Variants in NRCAM observed in about 807,000 individuals in gnomAD.
NRCAM encodes the protein neuronal cell adhesion molecule, also known as NgCAM-related cell adhesion molecule.
In NRCAM, 83 loss-of-function variants were observed where a neutral mutation model predicts 156.5. The ratio of observed to expected loss-of-function variants is 0.53; its 90% CI spans 0.44 to 0.64. The LOEUF (loss-of-function observed/expected upper bound fraction) is 0.64, where lower values mean the gene tolerates loss of function less well. Among genes scored for constraint, NRCAM ranks in the 30% least tolerant of loss-of-function variants. The pLI is 0.00. For synonymous variants in NRCAM, 538 were observed against 563.9 expected, an observed-to-expected ratio of 0.95 and a Z score of 0.65; for missense variants, 1,417 against 1,597.3, an observed-to-expected ratio of 0.89 and a Z score of 1.92.
chr7:108,399,365 AAGT>A (rs2099785483), intron 2 of NRCAM, 68 bp downstream of exon 2: 1 of 152,194 alleles, frequency 6.6e-6, no homozygotes, highest in African/African-American at 2.4e-5. Context: ...ACTACTTTCC[AAGT>A]AGATTTTGGA....
chr7:108,287,881 G>GA (rs1213558885), intron 3 of NRCAM, among the ~76,000 whole-genome samples: 1 of 151,706 alleles, frequency 6.6e-6, no homozygotes, highest in Non-Finnish European at 1.5e-5. Context: ...CTACCCAAAG[G>GA]AAAAAAGATC....
At chr7:108,424,675 A>G (rs749870299) in intron 1 of NRCAM, among the ~76,000 whole-genome samples, 1 of 152,216 alleles carries the variant, frequency 6.6e-6, no homozygotes, top group Non-Finnish European at 1.5e-5. Flanking sequence ...TAGTCATTTC[A>G]GTGAAATTGA....
At chr7:108,175,408 A>C (rs2060097680) in intron 27 of NRCAM, 51 bp from the exon 28 acceptor site, 4 of 1,458,774 alleles carry the variant, frequency 2.7e-6, no homozygotes, top group Non-Finnish European at 3.7e-6. Flanking sequence ...GATGTAACAC[A>C]CCCATGAGCA....
chr7:108,342,353 G>A (rs1301400922), intron 2 of NRCAM, among the ~76,000 whole-genome samples: 2 of 152,202 alleles, frequency 1.3e-5, no homozygotes, highest in African/African-American at 2.4e-5. Flanking sequence ...AGTGAGGAAC[G>A]TATCCAGCCC....
intron 3 of NRCAM, among the ~76,000 whole-genome samples, chr7:108,253,247 C>G (rs553055691): frequency 5.3e-4 from 80 of 152,290 alleles, no homozygotes; most frequent in African/African-American, 1.8e-3. Context: ...AGGCAGTGAG[C>G]TGTATGAGAA....
intron 3 of NRCAM, among the ~76,000 whole-genome samples, chr7:108,294,063 G>T (rs1250007104): frequency 2.0e-5 from 3 of 152,066 alleles, no homozygotes; most frequent in African/African-American, 7.2e-5. Context: ...TAAGAAAGCA[G>T]GATAAAGACA....
chr7:108,162,803 T>TCACACA lies in NRCAM; in HGVS notation c.3467-2317_3467-2312dup, dbSNP rs1277767598. Among the ~76,000 whole-genome samples, 7 of 152,198 alleles carry TCACACA rather than the reference T, an allele frequency of 4.6e-5. No individual in the cohort carries two copies. The South Asian group carries it at 1.5e-3, about 32-fold the overall frequency. On this transcript the variant is annotated intron_variant, in intron 30 of 32. Transcript: ENST00000379028. ...CATGTGTGCACACACACAGTCACAT[T>TCACACA]CACACACACACAAGTACACCAGAAA...
chr7:108,199,910 C>A (rs984837140), intron 13 of NRCAM, among the ~76,000 whole-genome samples: 21 of 151,828 alleles, frequency 1.4e-4, no homozygotes, highest in Non-Finnish European at 4.4e-5. Flanking sequence ...GCCTAAAAGT[C>A]TTTTAGATGT....
intron 2 of NRCAM, among the ~76,000 whole-genome samples, chr7:108,377,075 G>T (rs961744349): frequency 6.6e-6 from 1 of 152,066 alleles, no homozygotes; most frequent in Non-Finnish European, 1.5e-5. Flanking sequence ...GAGGCAGGAG[G>T]ATCAATTGAG....
chr7:108,184,003 A>T (rs1474058924), intron 22 of NRCAM, among the ~76,000 whole-genome samples: 2 of 152,152 alleles, frequency 1.3e-5, no homozygotes, highest in East Asian at 3.9e-4. Context: ...GCCTAAGATC[A>T]CAGAGTTAGT....
intron 1 of NRCAM, among the ~76,000 whole-genome samples, 187 bp from the exon 2 acceptor site, chr7:108,399,780 A>T (rs1257047593): frequency 6.6e-6 from 1 of 152,248 alleles, no homozygotes; most frequent in Non-Finnish European, 1.5e-5. Flanking sequence ...AATTTTAAGC[A>T]ACTTAATAGG....
intron 28 of NRCAM, among the ~76,000 whole-genome samples, chr7:108,173,119 G>A (rs185921037): frequency 6.6e-6 from 1 of 151,546 alleles, no homozygotes; most frequent in Admixed American, 6.6e-5. Context: ...CTGAGTAGCT[G>A]GGATTACAGG....
chr7:108,247,536 T>C (rs1589864792), intron 3 of NRCAM, among the ~76,000 whole-genome samples: 1 of 143,830 alleles, frequency 7.0e-6, no homozygotes, highest in African/African-American at 2.7e-5. Flanking sequence ...AAATAGAAGG[T>C]GGTTAACACT....
At chr7:108,286,209 T>TA (rs139368487) in intron 3 of NRCAM, among the ~76,000 whole-genome samples, 2,552 of 152,220 alleles carry the variant, frequency 0.017, 58 homozygotes, top group African/African-American at 0.059. Context: ...TTTAAAAACA[T>TA]AAAAAAATTT....
intron 3 of NRCAM, among the ~76,000 whole-genome samples, chr7:108,274,832 T>C (rs1411025790): frequency 3.3e-5 from 5 of 152,236 alleles, no homozygotes; most frequent in African/African-American, 4.8e-5. Context: ...TCAATGGGAA[T>C]GCTTCCAGTT....
chr7:108,168,363 G>A lies in NRCAM; in HGVS notation c.3227C>T (p.Ala1076Val). Residue 1076 changes from alanine (A) to valine (V), a missense_variant, in exon 29 of 33, where the codon GCA becomes GTA. Transcript: ENST00000379028. Reference protein sequence around the residue: ...VNPRISNLTAAAAETYANISW... With the variant: ...VNPRISNLTAVAAETYANISW... ...GATATTGGCATAGGTCTCAGCAGCT[G>A]CAGCAGTAAGATTGCTGATCCTGGG... The A allele has an allele frequency of 1.2e-6, 2 of 1,607,084 alleles. No homozygotes were observed. Among genetic ancestry groups the A allele is most frequent in the Non-Finnish European group, 8.5e-7 (1 of 1,177,192 alleles).
Position 108,209,629 on chromosome 7 carries a change from T to C in NRCAM, c.891-24A>G, listed in dbSNP as rs768966248. 10 of 1,536,554 alleles carry C rather than the reference T, an allele frequency of 6.5e-6. No homozygotes were observed. The East Asian group carries it at 7.2e-5, about 11-fold the overall frequency. On this transcript the variant is annotated intron_variant, in intron 11 of 32. Coordinates refer to ENST00000379028, the MANE Select transcript of NRCAM (RefSeq NM_001037132.4). ...GCCTGATAGGATAAATAAATAATGA[T>C]GTTACAAAAAAGGAATCCACCTATG...
At chr7:108,254,172 A>G (rs758614580) in intron 3 of NRCAM, among the ~76,000 whole-genome samples, 8 of 152,260 alleles carry the variant, frequency 5.3e-5, no homozygotes, top group Admixed American at 3.9e-4. Flanking sequence ...TCTTCAAAAG[A>G]AACCAACAAG....
At chr7:108,260,775 C>A (rs1163537325) in intron 3 of NRCAM, among the ~76,000 whole-genome samples, 2 of 152,082 alleles carry the variant, frequency 1.3e-5, no homozygotes, top group African/African-American at 4.8e-5. Flanking sequence ...GGCCGAGGCT[C>A]TGGAGTGGTG....
Sources: allele counts gnomAD v4.1 joint callset (sites outside exome capture counted in the v4.1 genomes callset), GRCh38; gene constraint gnomAD v4.1.1; transcripts MANE v1.5; gene names NCBI Gene and HGNC (gene_info 2026-07-23, HGNC 2026-07-21).